Variants in SDK1 observed in about 807,000 individuals in gnomAD.
SDK1 encodes the protein protein sidekick-1.
Under a neutral mutation model 245.5 loss-of-function variants are expected in SDK1, and 157 were observed. The observed-to-expected ratio is 0.64, with a 90% CI of 0.56 to 0.73. The LOEUF is 0.73. Ranked by LOEUF, SDK1 falls within the 30% of genes least tolerant of loss-of-function variation. SDK1 has a pLI of 0.00. For synonymous variants in SDK1, 1,647 were observed against 1,278.5 expected (o/e 1.29, Z -6.15); for missense variants, 3,583 against 3,002.3 (o/e 1.19, Z -4.52).
chr7:3,671,395 T>C (rs188210792), intron 4 of SDK1, among the ~76,000 whole-genome samples: 2 of 152,326 alleles, frequency 1.3e-5, no homozygotes, highest in Admixed American at 6.5e-5. Context: ...AAGAAGGAAA[T>C]GGAATCAATG....
chr7:4,064,306 G>A (rs574098135), intron 19 of SDK1, among the ~76,000 whole-genome samples: 2 of 152,170 alleles, frequency 1.3e-5, no homozygotes, highest in African/African-American at 4.8e-5. Context: ...GATGGTCAAC[G>A]TGTCTATGAA....
chr7:3,961,117 C>G lies in SDK1; in HGVS notation c.1235-1540C>G, dbSNP rs185440416. 1.6e-3 allele frequency among the ~76,000 whole-genome samples: 251 copies of G among 152,316 alleles called. 1 individual carries two copies. Among genetic ancestry groups the G allele is most frequent in the African/African-American group, 5.9e-3 (245 of 41,558 alleles). On this transcript the variant is annotated intron_variant, in intron 8 of 44. Coordinates refer to ENST00000404826, the MANE Select transcript of SDK1 (RefSeq NM_152744.4). ...AAGTGTAGACTTACAAATATAGAGA[C>G]AACAGATCTTCCGACATTGCACTGC...
intron 1 of SDK1, among the ~76,000 whole-genome samples, chr7:3,312,537 A>G (rs979841816): frequency 1.3e-5 from 2 of 151,766 alleles, no homozygotes; most frequent in African/African-American, 4.8e-5. Flanking sequence ...ACCCAGTAGG[A>G]CTTCTAGAAA....
intron 44 of SDK1, among the ~76,000 whole-genome samples, chr7:4,246,940 G>A (rs1220872719): frequency 1.3e-5 from 2 of 152,174 alleles, no homozygotes; most frequent in African/African-American, 4.8e-5. Context: ...TAAGCAGGGG[G>A]CTCAACACAC....
At chr7:3,698,939 T>C (rs1784659397) in intron 4 of SDK1, among the ~76,000 whole-genome samples, 1 of 152,120 alleles carries the variant, frequency 6.6e-6, no homozygotes, top group Admixed American at 6.5e-5. Context: ...CAGTCTATAA[T>C]AACCTCCTAC....
intron 2 of SDK1, among the ~76,000 whole-genome samples, chr7:3,628,407 C>G (rs184693367): frequency 6.6e-6 from 1 of 151,952 alleles, no homozygotes; most frequent in Non-Finnish European, 1.5e-5. Context: ...TTTCTTAATA[C>G]CTATGGGGTC....
intron 5 of SDK1, among the ~76,000 whole-genome samples, chr7:3,908,197 C>T (rs561299127): frequency 1.3e-5 from 2 of 152,194 alleles, no homozygotes; most frequent in Non-Finnish European, 2.9e-5. Flanking sequence ...GGGCCGTGCG[C>T]ATAACCCGGA....
At chr7:3,479,827 A>C (rs1309075863) in intron 1 of SDK1, among the ~76,000 whole-genome samples, 2 of 150,836 alleles carry the variant, frequency 1.3e-5, no homozygotes, top group Non-Finnish European at 1.5e-5. Context: ...GTGCCACTGC[A>C]CTCTGGCTTG....
chr7:3,667,401 C>A (rs748649893), intron 4 of SDK1, among the ~76,000 whole-genome samples: 1 of 152,212 alleles, frequency 6.6e-6, no homozygotes, highest in Non-Finnish European at 1.5e-5. Context: ...TTCCTCCCAA[C>A]CTCCTCCTAC....
chr7:4,073,130 G>C (rs766677198), intron 20 of SDK1, among the ~76,000 whole-genome samples: 1 of 152,178 alleles, frequency 6.6e-6, no homozygotes, highest in African/African-American at 2.4e-5. Flanking sequence ...AGGATGCCAA[G>C]CGGGAGGTAC....
At chr7:3,603,512 T>A (rs1174973597) in intron 1 of SDK1, among the ~76,000 whole-genome samples, 1 of 151,866 alleles carries the variant, frequency 6.6e-6, no homozygotes, top group Non-Finnish European at 1.5e-5. Flanking sequence ...AGAATGCTTG[T>A]GATTTTTGTA....
At chr7:4,226,381 C>G (rs1237468018) in intron 40 of SDK1, among the ~76,000 whole-genome samples, 1 of 152,230 alleles carries the variant, frequency 6.6e-6, no homozygotes, top group Middle Eastern at 3.2e-3. Flanking sequence ...CACTCATCAG[C>G]TTTGTTGCTG....
intron 22 of SDK1, among the ~76,000 whole-genome samples, chr7:4,097,511 A>G (rs926894816): frequency 2.0e-5 from 3 of 152,222 alleles, no homozygotes; most frequent in African/African-American, 4.8e-5. Flanking sequence ...CGGGACAGAC[A>G]TAGCCCCAGA....
chr7:3,922,153 C>T (rs777832749), intron 5 of SDK1, among the ~76,000 whole-genome samples: 1 of 152,210 alleles, frequency 6.6e-6, no homozygotes, highest in Non-Finnish European at 1.5e-5. Context: ...CAGTGGCTGA[C>T]GGTAGTCTCT....
chr7:3,772,095 C>A (rs993751692), intron 4 of SDK1, among the ~76,000 whole-genome samples: 1 of 152,186 alleles, frequency 6.6e-6, no homozygotes, highest in Non-Finnish European at 1.5e-5. Context: ...GACTTTCCTT[C>A]CTTTTTATGG....
chr7:4,151,322 A>G lies in SDK1; in HGVS notation c.4625+1859A>G, dbSNP rs145198328. On this transcript the variant is annotated intron_variant, in intron 30 of 44. Transcript: ENST00000404826. The stretch of plus-strand genomic sequence containing the variant: ...TCACCCTCTGCAGTCTCATGGTCCA[A>G]GCAGCCCTCTGCTCTTCTGAAAATC... 3.9e-3 allele frequency among the ~76,000 whole-genome samples: 593 copies of G among 152,304 alleles called. 5 individuals are homozygous for G. Among genetic ancestry groups the G allele is most frequent in the African/African-American group, 0.013 (557 of 41,568 alleles).
intron 1 of SDK1, among the ~76,000 whole-genome samples, chr7:3,360,355 A>C (rs1335043258): frequency 6.6e-6 from 1 of 152,230 alleles, no homozygotes; most frequent in Non-Finnish European, 1.5e-5. Flanking sequence ...GATTCTCATC[A>C]GACAGGTGCA....
chr7:4,214,318 A>G (rs1055582314), intron 38 of SDK1, among the ~76,000 whole-genome samples: 2 of 152,226 alleles, frequency 1.3e-5, no homozygotes, highest in Admixed American at 6.5e-5. Flanking sequence ...CGCTGGCTGC[A>G]CAGCCGAGTA....
chr7:4,117,714 G>T (rs77763711), intron 25 of SDK1, among the ~76,000 whole-genome samples: 2 of 152,148 alleles, frequency 1.3e-5, no homozygotes, highest in African/African-American at 2.4e-5. Context: ...GCACCAGCAC[G>T]CATCCAGTGT....
Sources: allele counts gnomAD v4.1 joint callset (sites outside exome capture counted in the v4.1 genomes callset), GRCh38; gene constraint gnomAD v4.1.1; transcripts MANE v1.5; gene names NCBI Gene and HGNC (gene_info 2026-07-23, HGNC 2026-07-21).